The following FAT3 variants were observed in gnomAD, a reference collection of about 807,000 sequenced individuals.
FAT3 encodes protocadherin Fat 3.
FAT3 carries 95 observed loss-of-function variants against 310.2 expected under a neutral mutation model. The observed-to-expected ratio is 0.31, with a 90% confidence interval of 0.26 to 0.36. The LOEUF is 0.36. Among genes scored for constraint, FAT3 ranks in the 10% least tolerant of loss-of-function variants. The pLI is 1.00. For synonymous variants in FAT3, 2,314 were observed against 2,192.9 expected (o/e 1.06, Z -1.54); for missense variants, 5,408 against 5,715.6 (o/e 0.95, Z 1.74).
chr11:92,865,831 C>T (rs12290591), intron 21 of FAT3, among the ~76,000 whole-genome samples: 7,811 of 152,290 alleles, frequency 0.051, 678 homozygotes, highest in African/African-American at 0.18. Context: ...TGCTTTCTTC[C>T]TGTGTGTGAT....
chr11:92,650,032 G>A (rs1268270564), intron 3 of FAT3, among the ~76,000 whole-genome samples: 3 of 151,770 alleles, frequency 2.0e-5, no homozygotes, highest in Non-Finnish European at 4.4e-5. Flanking sequence ...ATACGGTGAA[G>A]AAAAGTTTCA....
Position 92,412,746 on chromosome 11 carries a change from A to ACATATATATAT in FAT3, c.3292+57342_3292+57343insCATATATATAT. Reference sequence around the variant, plus strand: ...ATATATATATATATATATATATATAAATATACATACATATATATATATTTA... The same window carrying ACATATATATAT: ...ATATATATATATATATATATATATAACATATATATATATATACATACATATATATATATTTA... On this transcript the variant is annotated intron_variant, in intron 2 of 27. Transcript: ENST00000525166. Among the ~76,000 whole-genome samples, 39 of 18,066 alleles carry ACATATATATAT rather than the reference A, an allele frequency of 2.2e-3. 11 individuals are homozygous for ACATATATATAT. Among genetic ancestry groups the ACATATATATAT allele is most frequent in the South Asian group, 3.7e-3 (2 of 546 alleles). The allele number at this position is 18,066 out of a possible 152,430, so 11.9% of individuals were successfully genotyped here.
intron 4 of FAT3, among the ~76,000 whole-genome samples, chr11:92,721,308 T>C (rs1171654257): frequency 1.3e-5 from 2 of 152,222 alleles, no homozygotes; most frequent in African/African-American, 4.8e-5. Flanking sequence ...CCTCTGAGGA[T>C]ATTGAAAATA....
chr11:92,709,865 C>T, intron 4 of FAT3, among the ~76,000 whole-genome samples: 1 of 152,156 alleles, frequency 6.6e-6, no homozygotes, highest in East Asian at 1.9e-4. Context: ...AGCCTAAAAG[C>T]AGTTCCTAAA....
chr11:92,355,850 A>G (rs1234675320), intron 2 of FAT3, among the ~76,000 whole-genome samples: 1 of 152,170 alleles, frequency 6.6e-6, no homozygotes, highest in Non-Finnish European at 1.5e-5. Flanking sequence ...TGCAGAAGTG[A>G]TATTGCATTA....
At chr11:92,326,994 C>G (rs1160528842) in intron 1 of FAT3, among the ~76,000 whole-genome samples, 2 of 152,074 alleles carry the variant, frequency 1.3e-5, no homozygotes, top group Non-Finnish European at 2.9e-5. Flanking sequence ...AGTTTCCTTT[C>G]CTTTACTCAG....
At chr11:92,849,607 G>T (rs1182341548) in intron 19 of FAT3, among the ~76,000 whole-genome samples, 2 of 152,166 alleles carry the variant, frequency 1.3e-5, no homozygotes, top group Non-Finnish European at 2.9e-5. Flanking sequence ...GCTGTAAAAA[G>T]TTATAGATGG....
intron 4 of FAT3, among the ~76,000 whole-genome samples, chr11:92,736,308 T>C (rs1230975318): frequency 6.6e-6 from 1 of 152,084 alleles, no homozygotes; most frequent in Non-Finnish European, 1.5e-5. Context: ...ATAATGACAT[T>C]CCTGACCCCA....
At chr11:92,844,880 G>A (rs1948648871) in intron 19 of FAT3, 148 bp downstream of exon 19, 10 of 992,228 alleles carry the variant, frequency 1.0e-5, no homozygotes, top group Admixed American at 5.8e-5. Flanking sequence ...GATAGATGCT[G>A]GGGCTGCAGG....
intron 3 of FAT3, among the ~76,000 whole-genome samples, chr11:92,568,868 G>A (rs781122313): frequency 1.3e-5 from 2 of 152,130 alleles, no homozygotes; most frequent in Admixed American, 1.3e-4. Context: ...ACCTCAGGTG[G>A]TATCTTCATG....
Position 92,774,910 on chromosome 11 carries a change from A to C in FAT3, c.4335+730A>C, listed in dbSNP as rs369933586. ...AATCTTTGGGCTTCTCATGTGGCTT[A>C]GTACATCTTTCTGAGACTAGCACAA... On this transcript the variant is annotated intron_variant, in intron 7 of 27. Transcript: ENST00000525166. Among the ~76,000 whole-genome samples the C allele has an allele frequency of 2.0e-5, 3 of 152,236 alleles. No homozygotes were observed. In the South Asian group the frequency reaches 6.2e-4, roughly 31 times the overall value.
At chr11:92,537,745 A>G (rs642920) in intron 3 of FAT3, among the ~76,000 whole-genome samples, 61,629 of 151,956 alleles carry the variant, frequency 0.41, 12,945 homozygotes, top group Middle Eastern at 0.54. Context: ...TTGTAATAAT[A>G]ATACGTAATT....
chr11:92,557,871 A>C (rs948790376), intron 3 of FAT3, among the ~76,000 whole-genome samples: 11 of 152,234 alleles, frequency 7.2e-5, no homozygotes, highest in Admixed American at 6.5e-4. Flanking sequence ...CCAATCCTCT[A>C]TTCCTGAGGG....
chr11:92,589,420 G>A (rs1221486176), intron 3 of FAT3, among the ~76,000 whole-genome samples: 2 of 152,058 alleles, frequency 1.3e-5, no homozygotes, highest in Admixed American at 6.6e-5. Flanking sequence ...AAGGACACAT[G>A]ACTAGCACTT....
intron 3 of FAT3, among the ~76,000 whole-genome samples, chr11:92,663,992 C>G (rs886509415): frequency 1.3e-5 from 2 of 152,268 alleles, no homozygotes; most frequent in South Asian, 4.2e-4. Flanking sequence ...TCTACCTTTT[C>G]TGTCTTCAAT....
chr11:92,853,566 A>T (rs1276889730), intron 19 of FAT3, among the ~76,000 whole-genome samples: 1 of 152,156 alleles, frequency 6.6e-6, no homozygotes, highest in East Asian at 1.9e-4. Context: ...GTCCAGGAAG[A>T]ATGAATCACA....
chr11:92,809,931 C>T lies in FAT3; in HGVS notation c.9336C>T (p.Phe3112=). 1 of 1,613,932 alleles carries T rather than the reference C, an allele frequency of 6.2e-7. No individual in the cohort carries two copies. Among genetic ancestry groups the T allele is most frequent in the Non-Finnish European group, 8.5e-7 (1 of 1,179,788 alleles). The change falls in exon 13 of 28, where the codon TTC becomes TTT. Residue 3112 remains phenylalanine (F), a synonymous_variant. Transcript: ENST00000525166. The part of the protein sequence containing the change: ...MAKATDGGGR[F]CQSNIHLILE... ...AGGCCACTGACGGGGGTGGCAGGTT[C>T]TGCCAGTCCAACATCCACCTAATCC... is the stretch of plus-strand genomic sequence containing the variant.
intron 1 of FAT3, among the ~76,000 whole-genome samples, chr11:92,266,407 T>C (rs1945952494): frequency 6.6e-6 from 1 of 152,210 alleles, no homozygotes; most frequent in African/African-American, 2.4e-5. Context: ...TCCTCTTTGA[T>C]AAAATGTCAT....
At chr11:92,572,682 A>T (rs1472776687) in intron 3 of FAT3, among the ~76,000 whole-genome samples, 1 of 152,220 alleles carries the variant, frequency 6.6e-6, no homozygotes, top group African/African-American at 2.4e-5. Context: ...GCTTTTAACT[A>T]GTTAACTACT....
Sources: gnomAD v4.1 joint callset for allele counts (sites outside exome capture counted in the v4.1 genomes callset) on GRCh38, gnomAD v4.1.1 for gene constraint, MANE v1.5 for transcripts, NCBI Gene and HGNC (gene_info 2026-07-23, HGNC 2026-07-21) for gene names.